Variants in ELP2 observed in about 807,000 individuals in gnomAD.
ELP2 encodes the protein elongator acetyltransferase complex subunit 2.
ELP2 carries 90 observed loss-of-function variants against 119.2 expected under a neutral mutation model. The ratio of observed to expected loss-of-function variants is 0.75; its 90% confidence interval spans 0.64 to 0.90. ELP2 has a LOEUF of 0.90. Ranked by LOEUF, ELP2 falls within the 40% of genes least tolerant of loss-of-function variation. ELP2 has a pLI of 0.00. For synonymous variants in ELP2, 339 were observed against 331.0 expected (o/e 1.02, Z -0.26); for missense variants, 921 against 967.8 (o/e 0.95, Z 0.64).
At chr18:36,155,694 A>G (rs1740494237) in intron 12 of ELP2, among the ~76,000 whole-genome samples, 1 of 152,162 alleles carries the variant, frequency 6.6e-6, no homozygotes, top group South Asian at 2.1e-4. Context: ...GTGAGCCACC[A>G]TGCCCAGCTA....
intron 5 of ELP2, 144 bp from the exon 6 acceptor site, chr18:36,140,993 T>C: frequency 1.4e-6 from 1 of 739,216 alleles, no homozygotes; most frequent in East Asian, 2.6e-5. Context: ...CAGACATTTA[T>C]TGAGCATTTT....
rs1470881111 is a variant in ELP2 at position 36,179,613 on chromosome 18, G to A, written c.*4972G>A. Reference sequence around the variant, plus strand: ...CAGCTCCACAAAGGCTGCTCTTGCAGGGGCTCTCCTGCAGCAAGGTGCCTG... The same window carrying A: ...CAGCTCCACAAAGGCTGCTCTTGCAAGGGCTCTCCTGCAGCAAGGTGCCTG... On this transcript the variant is annotated 3_prime_UTR_variant, in exon 22 of 22. Transcript: ENST00000358232. 1 of 152,240 alleles carries A rather than the reference G, an allele frequency of 6.6e-6. No homozygotes were observed. Among genetic ancestry groups the A allele is most frequent in the Non-Finnish European group, 1.5e-5 (1 of 68,094 alleles). The allele number at this position is 152,240 out of a possible 1,614,324, so 9.4% of individuals were successfully genotyped here.
At chr18:36,140,119 CAG>C (rs1483677294) in intron 5 of ELP2, among the ~76,000 whole-genome samples, 1 of 151,996 alleles carries the variant, frequency 6.6e-6, no homozygotes, top group African/African-American at 2.4e-5. Context: ...GCTGGGATCA[CAG>C]ATGTGAGCCA....
intron 2 of ELP2, among the ~76,000 whole-genome samples, chr18:36,134,910 A>C (rs1487699227): frequency 6.6e-6 from 1 of 152,214 alleles, no homozygotes; most frequent in Non-Finnish European, 1.5e-5. Flanking sequence ...TGAGCCAGGC[A>C]CAAATGCAAA....
chr18:36,147,899 C>T (rs76149950), intron 11 of ELP2, among the ~76,000 whole-genome samples: 15,656 of 152,068 alleles, frequency 0.1, 1,064 homozygotes, highest in South Asian at 0.17. Flanking sequence ...GAAGCAGAGA[C>T]GTGTAGGGTG....
chr18:36,152,935 TTTTG>T (rs1446041901), intron 11 of ELP2, among the ~76,000 whole-genome samples: 1 of 152,236 alleles, frequency 6.6e-6, no homozygotes, highest in Non-Finnish European at 1.5e-5. Context: ...AGTTACTTGG[TTTTG>T]CCCTTCCCCC....
chr18:36,140,988 A>C (rs1018284618), intron 5 of ELP2, 149 bp from the exon 6 acceptor site: 2 of 729,660 alleles, frequency 2.7e-6, no homozygotes, highest in African/African-American at 3.5e-5. Context: ...TCCTGCAGAC[A>C]TTTATTGAGC....
At chr18:36,133,823 G>A (rs756657393) in intron 2 of ELP2, among the ~76,000 whole-genome samples, 18 of 149,788 alleles carry the variant, frequency 1.2e-4, no homozygotes, top group Non-Finnish European at 2.4e-4. Context: ...CTGGAATGCA[G>A]CGGCTCCATC....
chr18:36,160,675 A>G (rs948590211), intron 16 of ELP2, among the ~76,000 whole-genome samples: 1 of 151,908 alleles, frequency 6.6e-6, no homozygotes, highest in South Asian at 2.1e-4. Flanking sequence ...TTGTTTAGAT[A>G]CTGGCTGGTT....
chr18:36,131,671 A>G (rs748880418), intron 1 of ELP2, among the ~76,000 whole-genome samples: 4 of 152,250 alleles, frequency 2.6e-5, no homozygotes, highest in Non-Finnish European at 5.9e-5. Flanking sequence ...TGCAAGGACA[A>G]ACTTGCCGCT....
chr18:36,174,037 G>A (rs1037262414), intron 21 of ELP2, among the ~76,000 whole-genome samples: 6 of 152,104 alleles, frequency 3.9e-5, no homozygotes, highest in African/African-American at 1.2e-4. Context: ...TTACCCAGTA[G>A]TAAAAATGCA....
chr18:36,149,292 G>C (rs1359355272), intron 11 of ELP2, among the ~76,000 whole-genome samples: 2 of 152,036 alleles, frequency 1.3e-5, no homozygotes, highest in Admixed American at 1.3e-4. Context: ...AGTCTACTAC[G>C]TTCAGACAGG....
chr18:36,130,610 T>G (rs1048797975), intron 1 of ELP2, among the ~76,000 whole-genome samples: 19 of 152,294 alleles, frequency 1.2e-4, no homozygotes, highest in Admixed American at 1.0e-3. Context: ...AAGCACTGAT[T>G]ATAAGGCGGG....
intron 2 of ELP2, among the ~76,000 whole-genome samples, chr18:36,135,772 G>A (rs928186119): frequency 2.6e-5 from 4 of 152,102 alleles, no homozygotes; most frequent in Admixed American, 6.6e-5. Context: ...AACAGATTGA[G>A]GGACATTCTG....
At chr18:36,170,675 C>T (rs2091053223) in intron 20 of ELP2, among the ~76,000 whole-genome samples, 1 of 152,124 alleles carries the variant, frequency 6.6e-6, no homozygotes. Flanking sequence ...TTGATAGAAC[C>T]TAATGATTCA....
In ELP2 at chr18:36,138,017, CACAAAGTTGACCTAT is replaced by C; in HGVS notation, c.289-251_289-237del. 5 of 432,094 alleles carry C rather than the reference CACAAAGTTGACCTAT, an allele frequency of 1.2e-5. No homozygotes were observed. In the South Asian group the frequency reaches 1.2e-4, roughly 10 times the overall value. The allele number at this position is 432,094 out of a possible 1,614,324, so 26.8% of individuals were successfully genotyped here. On this transcript the variant is annotated intron_variant, in intron 3 of 21. Coordinates refer to ENST00000358232, the MANE Select transcript of ELP2 (RefSeq NM_018255.4). ...CACTAATCCAAAAAGAGGAACATTC[CACAAAGTTGACCTAT>C]ATTCTTCAGAATACCTATTGTCTCC...
Position 36,167,091 on chromosome 18 carries a change from T to C in ELP2, c.1955-10T>C, listed in dbSNP as rs1200424377. 6.3e-7 allele frequency: 1 copy of C among 1,595,948 alleles called. No homozygotes were observed. The highest frequency in any genetic ancestry group is 2.3e-5 in the East Asian group (1 of 44,334). On this transcript the variant is annotated splice_polypyrimidine_tract_variant and intron_variant, in intron 18 of 21. Coordinates refer to ENST00000358232, the MANE Select transcript of ELP2 (RefSeq NM_018255.4). Reference sequence around the variant, plus strand: ...CTGCTTTGTGAATAGTGTATACATATTTCTTTCAGAGCCAGTTTTTAGTCT... The same window carrying C: ...CTGCTTTGTGAATAGTGTATACATACTTCTTTCAGAGCCAGTTTTTAGTCT...
chr18:36,174,393 C>T, intron 21 of ELP2, 92 bp from the exon 22 acceptor site: 1 of 1,253,880 alleles, frequency 8.0e-7, no homozygotes, highest in Non-Finnish European at 1.1e-6. Flanking sequence ...GATTTTAAAA[C>T]CTGTACATTT....
chr18:36,140,319 C>T (rs967473317), intron 5 of ELP2, among the ~76,000 whole-genome samples: 5 of 151,822 alleles, frequency 3.3e-5, no homozygotes, highest in African/African-American at 1.2e-4. Flanking sequence ...TTTTTAGCCA[C>T]ATGCTTAATT....
Sources: gnomAD v4.1 joint callset for allele counts (sites outside exome capture counted in the v4.1 genomes callset) on GRCh38, gnomAD v4.1.1 for gene constraint, MANE v1.5 for transcripts, NCBI Gene and HGNC (gene_info 2026-07-23, HGNC 2026-07-21) for gene names.